BTRC: variants seen among roughly 807,000 people sequenced by gnomAD.
BTRC encodes F-box/WD repeat-containing protein 1A.
In BTRC, 42 loss-of-function variants were observed where a neutral mutation model predicts 85.5. That is an observed-to-expected ratio of 0.49 (90% CI 0.38 to 0.64). BTRC has a LOEUF of 0.64. BTRC is among the 30% of genes least tolerant of loss of function. BTRC has a pLI of 0.00. For synonymous variants in BTRC, 255 were observed against 263.3 expected (o/e 0.97, Z 0.30); for missense variants, 594 against 743.5 (o/e 0.80, Z 2.34).
chr10:101,410,193 C>G (rs1943738231), intron 1 of BTRC, among the ~76,000 whole-genome samples: 1 of 152,156 alleles, frequency 6.6e-6, no homozygotes, highest in Non-Finnish European at 1.5e-5. Flanking sequence ...GTATGCTTCT[C>G]TCCTAATATA....
intron 1 of BTRC, among the ~76,000 whole-genome samples, chr10:101,381,620 T>C (rs1241143506): frequency 6.6e-6 from 1 of 152,198 alleles, no homozygotes; most frequent in Admixed American, 6.5e-5. Context: ...TTTTGAGAAA[T>C]ATAATTTTGA....
intron 4 of BTRC, among the ~76,000 whole-genome samples, chr10:101,507,422 G>C (rs1037101601): frequency 6.6e-6 from 1 of 152,194 alleles, no homozygotes; most frequent in South Asian, 2.1e-4. Flanking sequence ...AAGTTAACAC[G>C]ATAAAGGCTC....
intron 5 of BTRC, among the ~76,000 whole-genome samples, chr10:101,522,404 G>A (rs370201424): frequency 2.3e-3 from 61 of 26,630 alleles, no homozygotes; most frequent in South Asian, 4.1e-3. Flanking sequence ...TAGAAATAAA[G>A]ACTCCTTTTT....
At chr10:101,366,984 T>TAA (rs1942457767) in intron 1 of BTRC, among the ~76,000 whole-genome samples, 2 of 63,488 alleles carry the variant, frequency 3.2e-5, no homozygotes, top group African/African-American at 1.2e-4. Flanking sequence ...ATTTATATAT[T>TAA]TATATATATT....
chr10:101,404,117 G>A (rs1216353288), intron 1 of BTRC, among the ~76,000 whole-genome samples: 4 of 138,706 alleles, frequency 2.9e-5, no homozygotes, highest in Non-Finnish European at 4.5e-5. Context: ...TGCAAGCTCC[G>A]CCTACCGGGT....
intron 4 of BTRC, among the ~76,000 whole-genome samples, chr10:101,496,790 G>A (rs1946273120): frequency 1.3e-5 from 2 of 151,914 alleles, no homozygotes; most frequent in African/African-American, 4.8e-5. Context: ...TGGGTTTTAT[G>A]TATTTTTCTT....
chr10:101,370,855 C>T (rs1426734079), intron 1 of BTRC, among the ~76,000 whole-genome samples: 1 of 152,044 alleles, frequency 6.6e-6, no homozygotes, highest in Non-Finnish European at 1.5e-5. Context: ...GCTGGGGTTA[C>T]AGGTGTGCAC....
Position 101,555,579 on chromosome 10 carries a change from A to G in BTRC, c.*2456A>G, listed in dbSNP as rs1182528141. The G allele has an allele frequency of 1.3e-5, 2 of 152,596 alleles. No individual in the cohort carries two copies. The highest frequency in any genetic ancestry group is 4.8e-5 in the African/African-American group (2 of 41,462). The allele number at this position is 152,596 out of a possible 1,614,324, so 9.5% of individuals were successfully genotyped here. On this transcript the variant is annotated 3_prime_UTR_variant, in exon 15 of 15. Transcript: ENST00000370187. ...GTCATTTACCAGTTTGTTGTAGAAG[A>G]AATAATCAGGTAAGTTAAAAGTTCA...
intron 4 of BTRC, among the ~76,000 whole-genome samples, chr10:101,510,086 A>T (rs1946661434): frequency 6.6e-6 from 1 of 152,064 alleles, no homozygotes; most frequent in Non-Finnish European, 1.5e-5. Flanking sequence ...GTGAGCCGAG[A>T]TTGCACCATT....
In BTRC at chr10:101,522,363, AAAACAAAAAAAAAC is replaced by A. The variant is rs1331368916; in HGVS notation, c.556+497_556+510del. 7.3e-4 allele frequency among the ~76,000 whole-genome samples: 49 copies of A among 67,204 alleles called. 4 individuals are homozygous for A. Among genetic ancestry groups the A allele is most frequent in the Non-Finnish European group, 1.1e-3 (35 of 32,984 alleles). 44.1% of individuals were successfully genotyped at this position (67,204 alleles called of 152,430 possible). On this transcript the variant is annotated intron_variant, in intron 5 of 14. Coordinates refer to ENST00000370187, the MANE Select transcript of BTRC (RefSeq NM_033637.4). ...CTGGTATAAAGCTTTAAAAAAAAAA[AAAACAAAAAAAAAC>A]AAAAAAAAAAAAACTCTAGAAATAA... is the stretch of plus-strand genomic sequence containing the variant.
intron 1 of BTRC, among the ~76,000 whole-genome samples, chr10:101,366,920 ATATATATTT>A (rs1564730305): frequency 0.025 from 79 of 3,122 alleles, 9 homozygotes; most frequent in Non-Finnish European, 0.08. Context: ...ATATATATTT[ATATATATTT>A]ATATATATTT....
intron 1 of BTRC, among the ~76,000 whole-genome samples, chr10:101,395,949 T>C (rs1474702959): frequency 6.6e-6 from 1 of 152,140 alleles, no homozygotes; most frequent in Admixed American, 6.6e-5. Context: ...TATTCATAGG[T>C]ATTTTTTATA....
At chr10:101,533,703 T>TA (rs148691756) in intron 9 of BTRC, among the ~76,000 whole-genome samples, 31 of 149,670 alleles carry the variant, frequency 2.1e-4, no homozygotes, top group African/African-American at 6.8e-4. Flanking sequence ...AAAGTAACTT[T>TA]AAAAAAAAAA....
chr10:101,556,601 CAT>C lies in BTRC; in HGVS notation c.*3480_*3481del. 1 of 152,350 alleles carries C rather than the reference CAT, an allele frequency of 6.6e-6. No homozygotes were observed. Among genetic ancestry groups the C allele is most frequent in the African/African-American group, 2.4e-5 (1 of 41,582 alleles). 9.4% of individuals were successfully genotyped at this position (152,350 alleles called of 1,614,324 possible). ...AGACCTCCTTTAACCACAGTGTCAACATAGTATCGGAAAGAGAGCCATTTCTT... is the reference window on the plus strand; with the variant it reads ...AGACCTCCTTTAACCACAGTGTCAACAGTATCGGAAAGAGAGCCATTTCTT... On this transcript the variant is annotated 3_prime_UTR_variant, in exon 15 of 15. Transcript: ENST00000370187.
chr10:101,494,963 A>C (rs765874603), intron 4 of BTRC, among the ~76,000 whole-genome samples: 11 of 152,208 alleles, frequency 7.2e-5, no homozygotes, highest in Non-Finnish European at 1.3e-4. Context: ...CAAGCATAGG[A>C]AGAGAACACA....
At chr10:101,506,745 G>T (rs1342276872) in intron 4 of BTRC, among the ~76,000 whole-genome samples, 1 of 152,188 alleles carries the variant, frequency 6.6e-6, no homozygotes, top group East Asian at 1.9e-4. Context: ...AAGGCTAGAT[G>T]AAGTGCTCTA....
chr10:101,557,260 T>G lies in BTRC; in HGVS notation c.*4137T>G, dbSNP rs993486091. On this transcript the variant is annotated 3_prime_UTR_variant, in exon 15 of 15. Coordinates refer to ENST00000370187, the MANE Select transcript of BTRC (RefSeq NM_033637.4). ...TCATGATAATGGAGTGTGTTTTGGG[T>G]TTTTTTTAACTGTTCAGAAAAAAAG... 3 of 151,008 alleles carry G rather than the reference T, an allele frequency of 2.0e-5. No individual in the cohort carries two copies. Among genetic ancestry groups the G allele is most frequent in the South Asian group, 2.1e-4 (1 of 4,824 alleles). 9.4% of individuals were successfully genotyped at this position (151,008 alleles called of 1,614,324 possible).
intron 4 of BTRC, among the ~76,000 whole-genome samples, chr10:101,485,065 C>T (rs564908012): frequency 6.6e-6 from 1 of 152,242 alleles, no homozygotes; most frequent in Admixed American, 6.5e-5. Flanking sequence ...ATTGACTGCA[C>T]ATTTGTTGTG....
At chr10:101,480,048 A>G (rs1218325396) in intron 4 of BTRC, among the ~76,000 whole-genome samples, 4 of 152,126 alleles carry the variant, frequency 2.6e-5, no homozygotes, top group Admixed American at 6.5e-5. Flanking sequence ...CATAACTCAC[A>G]TTTTCCAAAT....
Sources: allele counts gnomAD v4.1 joint callset (sites outside exome capture counted in the v4.1 genomes callset), GRCh38; gene constraint gnomAD v4.1.1; transcripts MANE v1.5; gene names NCBI Gene and HGNC (gene_info 2026-07-23, HGNC 2026-07-21).